NHERF2: variants seen among roughly 807,000 people sequenced by gnomAD.
NHERF2 encodes the protein Na(+)/H(+) exchange regulatory cofactor NHE-RF2.
At chr16:2,030,128 C>T in the NHERF2 span, among the ~76,000 whole-genome samples, 1 of 152,230 alleles carries the variant, frequency 6.6e-6, no homozygotes, top group Non-Finnish European at 1.5e-5. Flanking sequence ...TCCAGGTCTG[C>T]GTGTGCGCAG....
chr16:2,033,225 C>T, the NHERF2 span: 2 of 1,503,038 alleles, frequency 1.3e-6, no homozygotes, highest in African/African-American at 2.8e-5. Flanking sequence ...CCCCCACGTC[C>T]CCACCCATCC....
chr16:2,027,157 G>A, the NHERF2 span: 2 of 1,475,798 alleles, frequency 1.4e-6, no homozygotes, highest in East Asian at 5.9e-5. Flanking sequence ...GCCGCGCTGC[G>A]CGCTGGGGAC....
the NHERF2 span, chr16:2,036,497 C>T: frequency 3.8e-6 from 6 of 1,586,226 alleles, no homozygotes; most frequent in African/African-American, 5.4e-5. Context: ...AGGACCGGCT[C>T]ATTGAGGTAC....
the NHERF2 span, chr16:2,033,140 G>A: frequency 1.4e-6 from 2 of 1,413,728 alleles, no homozygotes; most frequent in Non-Finnish European, 1.8e-6. Flanking sequence ...AAGCCTAGCT[G>A]GGTGGGGGGC....
the NHERF2 span, among the ~76,000 whole-genome samples, chr16:2,030,564 T>C: frequency 6.6e-6 from 1 of 151,402 alleles, no homozygotes; most frequent in Admixed American, 6.6e-5. Context: ...CCTGAAGCTG[T>C]CTGTCTTATC....
chr16:2,037,787 G>T, the NHERF2 span: 1 of 1,557,568 alleles, frequency 6.4e-7, no homozygotes, highest in South Asian at 1.2e-5. Flanking sequence ...GTGGGACTAG[G>T]GCTCACTCCA....
the NHERF2 span, among the ~76,000 whole-genome samples, chr16:2,028,221 G>C: frequency 6.6e-6 from 1 of 152,220 alleles, no homozygotes. Context: ...ACCTGGAGCT[G>C]GTCTCCTGTT....
At chr16:2,032,429 G>A in the NHERF2 span, among the ~76,000 whole-genome samples, 2 of 152,238 alleles carry the variant, frequency 1.3e-5, no homozygotes, top group African/African-American at 2.4e-5. The surrounding 1 kb of genome is among the most constrained non-coding windows in gnomAD (Gnocchi z 4.0). Flanking sequence ...CCTGGGTTCA[G>A]GGCATGCCTC....
chr16:2,030,569 C>T, the NHERF2 span, among the ~76,000 whole-genome samples: 1 of 151,312 alleles, frequency 6.6e-6, no homozygotes, highest in Admixed American at 6.6e-5. Context: ...AGCTGTCTGT[C>T]TTATCTTCCT....
At chr16:2,030,570 T>C in the NHERF2 span, among the ~76,000 whole-genome samples, 67,062 of 151,294 alleles carry the variant, frequency 0.44, 17,683 homozygotes, top group African/African-American at 0.75. Context: ...GCTGTCTGTC[T>C]TATCTTCCTG....
the NHERF2 span, chr16:2,037,816 C>T: frequency 1.9e-6 from 3 of 1,579,384 alleles, no homozygotes; most frequent in African/African-American, 1.4e-5. Context: ...ACCCACCGTG[C>T]TCACCCCAGG....
chr16:2,038,715 G>T, the NHERF2 span: 146 of 194,656 alleles, frequency 7.5e-4, 1 homozygote, highest in Non-Finnish European at 1.2e-3. Flanking sequence ...CCTGCTGGGG[G>T]CCTGGGCTCT....
At chr16:2,027,197 G>C in the NHERF2 span, 1 of 1,436,384 alleles carries the variant, frequency 7.0e-7, no homozygotes, top group Non-Finnish European at 9.1e-7. Context: ...GCGTCAACGT[G>C]GAGGGCGAGA....
chr16:2,031,442 A>G, the NHERF2 span, among the ~76,000 whole-genome samples: 25,723 of 152,196 alleles, frequency 0.17, 2,550 homozygotes, highest in Non-Finnish European at 0.23. Flanking sequence ...ATTTGGACAC[A>G]AACGCATGGT....
the NHERF2 span, chr16:2,036,590 G>A: frequency 5.9e-5 from 90 of 1,516,132 alleles, no homozygotes; most frequent in Non-Finnish European, 7.3e-5. Flanking sequence ...GGAGGGAGAC[G>A]CTGGGAACCT....
At chr16:2,037,829 G>C in the NHERF2 span, 1 of 1,586,974 alleles carries the variant, frequency 6.3e-7, no homozygotes, top group Non-Finnish European at 8.6e-7. Context: ...ACCCCAGGAT[G>C]GCAGTGCCTG....
the NHERF2 span, chr16:2,035,893 AC>A: frequency 5.4e-6 from 1 of 184,540 alleles, no homozygotes; most frequent in Non-Finnish European, 1.1e-5. Context: ...TGGAGAGAAA[AC>A]AAAACTGCTG....
the NHERF2 span, among the ~76,000 whole-genome samples, chr16:2,028,178 G>A: frequency 1.3e-5 from 2 of 152,234 alleles, no homozygotes; most frequent in Non-Finnish European, 2.9e-5. Flanking sequence ...GGCTGGTCCT[G>A]GAACCTAGAG....
the NHERF2 span, among the ~76,000 whole-genome samples, chr16:2,031,113 G>C: frequency 6.6e-6 from 1 of 152,222 alleles, no homozygotes; most frequent in Non-Finnish European, 1.5e-5. Flanking sequence ...CACTGCTGAA[G>C]CTGGCTGCCC....
Sources: gnomAD v4.1 joint callset for allele counts (sites outside exome capture counted in the v4.1 genomes callset) on GRCh38, gnomAD v4.1.1 for gene constraint, Gnocchi (gnomAD v3.1) non-coding constraint, MANE v1.5 for transcripts, NCBI Gene and HGNC (gene_info 2026-07-23, HGNC 2026-07-21) for gene names.